The following SPATA6L variants were observed in gnomAD, a reference collection of about 807,000 sequenced individuals.
SPATA6L encodes spermatogenesis associated 6 like, also known as spermatogenesis associated 6-like protein.
SPATA6L carries 68 observed loss-of-function variants against 49.2 expected under a neutral mutation model. The ratio of observed to expected loss-of-function variants is 1.38; its 90% confidence interval spans 1.14 to 1.69. The LOEUF (loss-of-function observed/expected upper bound fraction) is 1.69, where lower values mean the gene tolerates loss of function less well. Ranked by LOEUF, SPATA6L falls within the 40% of genes most tolerant of loss-of-function variation. The probability of loss-of-function intolerance (pLI) is 0.00; values close to 1 mark genes in which losing one functional copy is unlikely to be tolerated. For missense variants in SPATA6L, 668 were observed against 464.3 expected (o/e 1.44, Z -4.03); for synonymous variants, 198 against 165.7 (o/e 1.19, Z -1.50).
chr9:4,638,763 C>CTCTTTTCTTTTCTTT (rs531360522), intron 3 of SPATA6L, among the ~76,000 whole-genome samples: 1 of 149,036 alleles, frequency 6.7e-6, no homozygotes, highest in Non-Finnish European at 1.5e-5. Context: ...GTGTTAAGAA[C>CTCTTTTCTTTTCTTT]TCTTTTCTTT....
At chr9:4,661,773 T>A in intron 2 of SPATA6L, 126 bp downstream of exon 2, 1 of 951,440 alleles carries the variant, frequency 1.1e-6, no homozygotes, top group Non-Finnish European at 1.4e-6. Flanking sequence ...TGCATTGTGC[T>A]GAAGTGCTTT....
chr9:4,592,990 A>G (rs747997010), intron 13 of SPATA6L, among the ~76,000 whole-genome samples: 5 of 152,226 alleles, frequency 3.3e-5, no homozygotes, highest in Non-Finnish European at 7.4e-5. Context: ...CTGAGATTGT[A>G]CTAAATATTT....
Position 4,662,048 on chromosome 9 carries a change from A to G in SPATA6L, c.40-12T>C. The G allele has an allele frequency of 1.2e-6, 2 of 1,612,922 alleles. No homozygotes were observed. Among genetic ancestry groups the G allele is most frequent in the Admixed American group, 1.7e-5 (1 of 59,758 alleles). ...CCTGGGCAAGAAATCTTAAAAAGAA[A>G]GAAAACAACAAACAAGGGAGAGAAA... On this transcript the variant is annotated splice_polypyrimidine_tract_variant and intron_variant, in intron 1 of 11. Coordinates refer to ENST00000682582, the MANE Select transcript of SPATA6L (RefSeq NM_001353486.2). This position sits in a 1 kb window ranked among gnomAD's most constrained non-coding sequence, Gnocchi z 4.9.
Position 4,663,167 on chromosome 9 carries a change from C to CT in SPATA6L, c.40-1132dup, listed in dbSNP as rs758302526. The stretch of plus-strand genomic sequence containing the variant: ...ACAATGTCACCGACGTAGCTTTTGG[C>CT]TTTTTTCTGGGCTACATGCAGTACA... On this transcript the variant is annotated intron_variant, in intron 1 of 11. Coordinates refer to ENST00000682582, the MANE Select transcript of SPATA6L (RefSeq NM_001353486.2). The CT allele has an allele frequency of 3.2e-5, 51 of 1,613,996 alleles. 1 individual carries two copies. The highest frequency in any genetic ancestry group is 2.6e-4 in the South Asian group (24 of 91,082).
chr9:4,642,083 A>T lies in SPATA6L; in HGVS notation c.227-6684T>A, dbSNP rs557053386. ...ATACCTGGCCCACATCAAATTGTTAATGGTAATTATCTGTCAGGGATTGTT... is the reference window on the plus strand; with the variant it reads ...ATACCTGGCCCACATCAAATTGTTATTGGTAATTATCTGTCAGGGATTGTT... On this transcript the variant is annotated intron_variant, in intron 3 of 11. Transcript: ENST00000682582. Among the ~76,000 whole-genome samples, 406 of 152,288 alleles carry T rather than the reference A, an allele frequency of 2.7e-3. 1 individual carries two copies. Among genetic ancestry groups the T allele is most frequent in the Admixed American group, 4.7e-3 (72 of 15,294 alleles).
At chr9:4,651,508 G>C (rs931017057) in intron 3 of SPATA6L, among the ~76,000 whole-genome samples, 4 of 152,172 alleles carry the variant, frequency 2.6e-5, no homozygotes, top group African/African-American at 9.7e-5. Context: ...CATGAAGTTA[G>C]CATTACCAAA....
chr9:4,624,219 A>T (rs1371963355), intron 6 of SPATA6L, among the ~76,000 whole-genome samples: 2 of 152,200 alleles, frequency 1.3e-5, no homozygotes, highest in Non-Finnish European at 2.9e-5. Flanking sequence ...AATATAGGAA[A>T]TTTTTTTAAT....
chr9:4,649,680 A>C (rs1359338031), intron 3 of SPATA6L, among the ~76,000 whole-genome samples: 1 of 152,204 alleles, frequency 6.6e-6, no homozygotes, highest in East Asian at 1.9e-4. Context: ...ATGCTTGATA[A>C]AATAACTACA....
At chr9:4,602,732 T>A (rs1013433956) in intron 11 of SPATA6L, among the ~76,000 whole-genome samples, 1 of 152,162 alleles carries the variant, frequency 6.6e-6, no homozygotes, top group Admixed American at 6.5e-5. Flanking sequence ...TGGATTTCCA[T>A]GTAAGATTAC....
chr9:4,589,966 G>C (rs990902734), intron 13 of SPATA6L, among the ~76,000 whole-genome samples: 1 of 152,070 alleles, frequency 6.6e-6, no homozygotes, highest in Non-Finnish European at 1.5e-5. Flanking sequence ...CTCTGTCACC[G>C]AGGCTGGAGT....
At position 4,620,002 on chromosome 9, in the gene SPATA6L, AC is replaced by A. The variant is rs1024418206; in HGVS notation, c.773-1105del. Reference sequence around the variant, plus strand: ...GGCAATGACAAGGGACTTTTTCTGGACTGCTGATCCCCCTCCCCACGTCACC... The same window carrying A: ...GGCAATGACAAGGGACTTTTTCTGGATGCTGATCCCCCTCCCCACGTCACC... On this transcript the variant is annotated intron_variant, in intron 7 of 11. Coordinates refer to ENST00000682582, the MANE Select transcript of SPATA6L (RefSeq NM_001353486.2). Among the ~76,000 whole-genome samples the A allele has an allele frequency of 9.2e-5, 14 of 152,234 alleles. No homozygotes were observed. In the South Asian group the frequency reaches 1.0e-3, roughly 11 times the overall value.
intron 9 of SPATA6L, among the ~76,000 whole-genome samples, chr9:4,615,143 T>A (rs1827671514): frequency 6.6e-6 from 1 of 152,184 alleles, no homozygotes; most frequent in Admixed American, 6.5e-5. Flanking sequence ...CAAGGCCACA[T>A]GAAAGCATCA....
intron 9 of SPATA6L, among the ~76,000 whole-genome samples, chr9:4,606,187 G>A (rs1462118837): frequency 1.3e-5 from 2 of 151,288 alleles, no homozygotes; most frequent in Non-Finnish European, 2.9e-5. Flanking sequence ...ACAGCAGTCT[G>A]AGATCAAACT....
At chr9:4,605,280 T>A in intron 10 of SPATA6L, 67 bp downstream of exon 10, 1 of 1,226,894 alleles carries the variant, frequency 8.2e-7, no homozygotes, top group South Asian at 1.2e-5. Context: ...TCTCCCCGAC[T>A]AGACTGTAGG....
intron 11 of SPATA6L, among the ~76,000 whole-genome samples, chr9:4,601,790 G>A (rs1586925621): frequency 6.6e-6 from 1 of 152,298 alleles, no homozygotes; most frequent in East Asian, 1.9e-4. Context: ...CCTCCTGCCT[G>A]GGGTCTGTCC....
At chr9:4,654,655 C>A (rs7865737) in intron 3 of SPATA6L, among the ~76,000 whole-genome samples, 10,843 of 152,170 alleles carry the variant, frequency 0.071, 881 homozygotes, top group African/African-American at 0.19. Context: ...GGGGAGCCAG[C>A]AGGGAGATGG....
intron 3 of SPATA6L, among the ~76,000 whole-genome samples, chr9:4,652,197 G>A (rs2130730598): frequency 6.6e-6 from 1 of 152,228 alleles, no homozygotes; most frequent in East Asian, 1.9e-4. Context: ...AAGGCAGGAG[G>A]ATCACCTGAG....
rs779836657 is a variant in SPATA6L, at chr9:4,622,448, TC to T, written c.731del (p.Arg244LysfsTer25). 5 of 1,613,882 alleles carry T rather than the reference TC, an allele frequency of 3.1e-6. No individual in the cohort carries two copies. The highest frequency in any genetic ancestry group is 4.2e-6 in the Non-Finnish European group (5 of 1,179,948). On this transcript the variant is annotated frameshift_variant, in exon 7 of 12. Transcript: ENST00000682582. LOFTEE classifies it high-confidence loss of function. ...ISEHHLRRSR[R>X]KSKFSDFPFP... The stretch of plus-strand genomic sequence containing the variant: ...ACGGAAAGTCTGAAAACTTAGATTT[TC>T]TTCTAGACCTCCTCAAATGATGCTC...
chr9:4,660,904 C>T (rs971677966), intron 2 of SPATA6L, among the ~76,000 whole-genome samples: 2 of 152,112 alleles, frequency 1.3e-5, no homozygotes, highest in Non-Finnish European at 2.9e-5. Flanking sequence ...AGCTGGAAAC[C>T]ATCATTCTCA....
Sources: allele counts gnomAD v4.1 joint callset (sites outside exome capture counted in the v4.1 genomes callset), GRCh38; gene constraint gnomAD v4.1.1; non-coding constraint Gnocchi (gnomAD v3.1); transcripts MANE v1.5; gene names NCBI Gene and HGNC (gene_info 2026-07-23, HGNC 2026-07-21).